MMP9: variants seen among roughly 807,000 people sequenced by gnomAD.
MMP9 encodes the protein matrix metallopeptidase 9, also known as matrix metalloproteinase-9.
In MMP9, 73 loss-of-function variants were observed where a neutral mutation model predicts 76.4. That is an observed-to-expected ratio of 0.96 (90% CI 0.79 to 1.16). The LOEUF is 1.16. Among genes scored for constraint, MMP9 ranks in the 50% most tolerant of loss-of-function variants. The probability of loss-of-function intolerance (pLI) is 0.00; values close to 1 mark genes in which losing one functional copy is unlikely to be tolerated. For missense variants in MMP9, 943 were observed against 973.0 expected (o/e 0.97, Z 0.41); for synonymous variants, 412 against 408.4 (o/e 1.01, Z -0.11).
At position 46,011,685 on chromosome 20, in the gene MMP9, G is replaced by A. The variant is rs2084280282; in HGVS notation, c.935G>A (p.Arg312His). Residue 312 changes from arginine to histidine, a missense_variant, in exon 6 of 13, where the codon CGC (arginine) becomes CAC (histidine). Transcript: ENST00000372330. The part of the protein sequence containing the change: ...CTTDGRSDGY[R>H]WCATTANYDR... ...ACGGACGGTCGCTCCGACGGCTACC[G>A]CTGGTGCGCCACCACCGCCAACTAC... 2 of 1,613,778 alleles carry A rather than the reference G, an allele frequency of 1.2e-6. No individual in the cohort carries two copies. The highest frequency in any genetic ancestry group is 1.1e-5 in the South Asian group (1 of 91,062).
In MMP9 at chr20:46,016,514, T is replaced by C. The variant is rs9509; in HGVS notation, c.*146T>C. 0.07 allele frequency: 49,924 copies of C among 709,702 alleles called. 4,210 individuals are homozygous for C. Among genetic ancestry groups the C allele is most frequent in the African/African-American group, 0.26 (14,663 of 56,900 alleles). 44.0% of individuals were successfully genotyped at this position (709,702 alleles called of 1,614,324 possible). ...GGGCTGGGCCCTCTCTTCTCACCTT[T>C]GTTTTTTGTTGGAGTGTTTCTAATA... On this transcript the variant is annotated 3_prime_UTR_variant, in exon 13 of 13. Transcript: ENST00000372330.
intron 1 of MMP9, 45 bp downstream of exon 1, chr20:46,009,109 G>C (rs756852383): frequency 6.3e-7 from 1 of 1,597,702 alleles, no homozygotes; most frequent in Non-Finnish European, 8.6e-7. Flanking sequence ...TGTCCGTGAG[G>C]GTGTTGAGTG....
At position 46,010,118 on chromosome 20, in the gene MMP9, G is replaced by T; in HGVS notation, c.371+20G>T. 1 of 1,516,328 alleles carries T rather than the reference G, an allele frequency of 6.6e-7. No homozygotes were observed. Among genetic ancestry groups the T allele is most frequent in the Non-Finnish European group, 8.9e-7 (1 of 1,118,750 alleles). The allele number at this position is 1,516,328 out of a possible 1,614,324, so 93.9% of individuals were successfully genotyped here. ...CTATTGGTGAGCCGGGGCCGTGGGGGCAGCGGGGTGGGGCGGGGAGGCCAG... is the reference window on the plus strand; with the variant it reads ...CTATTGGTGAGCCGGGGCCGTGGGGTCAGCGGGGTGGGGCGGGGAGGCCAG... On this transcript the variant is annotated intron_variant, in intron 2 of 12. Coordinates refer to ENST00000372330, the MANE Select transcript of MMP9 (RefSeq NM_004994.3).
Position 46,010,333 on chromosome 20 carries a change from A to AAAAAAAAACAAAAAAAAAAC in MMP9, c.372-140_372-139insAAAAAAAAACAAAAAAAACA, listed in dbSNP as rs2084270365. 6.0e-6 allele frequency: 5 copies of AAAAAAAAACAAAAAAAAAAC among 827,448 alleles called. No homozygotes were observed. The African/African-American group carries it at 1.1e-4, about 18-fold the overall frequency. The allele number at this position is 827,448 out of a possible 1,614,324, so 51.3% of individuals were successfully genotyped here. On this transcript the variant is annotated intron_variant, in intron 2 of 12. Transcript: ENST00000372330. ...GGGTCTAAGTAGACAAAAAAAAAAA[A>AAAAAAAAACAAAAAAAAAAC]AAAAAAAACAGTCTGGAAGCAATTT...
In MMP9 at chr20:46,011,762, T is replaced by A; in HGVS notation, c.997+15T>A. On this transcript the variant is annotated intron_variant, in intron 6 of 12. Coordinates refer to ENST00000372330, the MANE Select transcript of MMP9 (RefSeq NM_004994.3). The stretch of plus-strand genomic sequence containing the variant: ...CCCGACCCGAGGTACCTCCACCCTG[T>A]CTACCAGGTTCAGCCCCGCCCTCTC... The A allele has an allele frequency of 6.2e-7, 1 of 1,604,728 alleles. No homozygotes were observed. Among genetic ancestry groups the A allele is most frequent in the Non-Finnish European group, 8.5e-7 (1 of 1,178,104 alleles).
rs1048809692 is a variant in MMP9 at position 46,009,918 on chromosome 20, C to A, written c.191C>A (p.Ser64Ter). Residue 64 changes from serine to a stop codon, truncating the protein, a stop_gained, in exon 2 of 13, where the codon TCG becomes TAG. Coordinates refer to ENST00000372330, the MANE Select transcript of MMP9 (RefSeq NM_004994.3). LOFTEE classifies it high-confidence loss of function. ...YTRVAEMRGESKSLGPALLLL... is the reference protein window; with the variant it reads ...YTRVAEMRGE ...CGGGTGGCAGAGATGCGTGGAGAGT[C>A]GAAATCTCTGGGGCCTGCGCTGCTG... The A allele has an allele frequency of 1.3e-6, 2 of 1,552,308 alleles. No individual in the cohort carries two copies. The highest frequency in any genetic ancestry group is 1.7e-6 in the Non-Finnish European group (2 of 1,147,312).
intron 5 of MMP9, 57 bp from the exon 6 acceptor site, chr20:46,011,517 G>C: frequency 6.2e-7 from 1 of 1,603,698 alleles, no homozygotes; most frequent in Non-Finnish European, 8.5e-7. Flanking sequence ...ACACACTTGG[G>C]GGTTATAATG....
intron 3 of MMP9, 77 bp from the exon 4 acceptor site, chr20:46,010,845 G>C (rs2084273916): frequency 6.2e-7 from 1 of 1,612,134 alleles, no homozygotes. Flanking sequence ...ACTTATTTCG[G>C]AGCCCTTGCC....
Position 46,014,117 on chromosome 20 carries a change from C to T in MMP9, c.1751-7C>T. The T allele has an allele frequency of 6.5e-7, 1 of 1,534,910 alleles. No individual in the cohort carries two copies. The highest frequency in any genetic ancestry group is 8.7e-7 in the Non-Finnish European group (1 of 1,146,630). On this transcript the variant is annotated splice_region_variant and splice_polypyrimidine_tract_variant and intron_variant, in intron 10 of 12. Coordinates refer to ENST00000372330, the MANE Select transcript of MMP9 (RefSeq NM_004994.3). ...CCCCAAACCGACGTGACCCTCCTCC[C>T]CTGCAGGGCGCCAGGTGTGGGTGTA...
intron 8 of MMP9, among the ~76,000 whole-genome samples, chr20:46,012,969 T>C (rs1474305448): frequency 6.6e-6 from 1 of 152,144 alleles, no homozygotes; most frequent in Non-Finnish European, 1.5e-5. Context: ...CACATGTCTG[T>C]AGTCCTAGCT....
At position 46,013,024 on chromosome 20, in the gene MMP9, G is replaced by A. The variant is rs745581668; in HGVS notation, c.1331-231G>A. ...GAGGATCTCTTGAGCCCAGGAGTTC[G>A]AGGCTGTAGTGAGCTATGATTGCAC... On this transcript the variant is annotated intron_variant, in intron 8 of 12. Transcript: ENST00000372330. The surrounding 1 kb of genome is among the most constrained non-coding windows in gnomAD (Gnocchi z 4.5). Among the ~76,000 whole-genome samples, 1 of 152,166 alleles carries A rather than the reference G, an allele frequency of 6.6e-6. No homozygotes were observed. The highest frequency in any genetic ancestry group is 1.5e-5 in the Non-Finnish European group (1 of 68,024).
At chr20:46,014,856 G>A (rs2084309207) in intron 12 of MMP9, 1 of 232,614 alleles carries the variant, frequency 4.3e-6, no homozygotes, top group South Asian at 6.2e-5. Flanking sequence ...TCTACTCTTC[G>A]AGCCTCAGTT....
rs2145456105 is a variant in MMP9, at chr20:46,013,985, C to T, written c.1751-139C>T. ...CTCTCCACGCCCTCGCGTCGCTCTA[C>T]CCAGCGCCTCTGCCCCTGGGTTGCA... On this transcript the variant is annotated intron_variant, in intron 10 of 12. Coordinates refer to ENST00000372330, the MANE Select transcript of MMP9 (RefSeq NM_004994.3). The surrounding 1 kb of genome is among the most constrained non-coding windows in gnomAD (Gnocchi z 4.5). The T allele has an allele frequency of 1.4e-6, 2 of 1,434,068 alleles. No individual in the cohort carries two copies. Among genetic ancestry groups the T allele is most frequent in the Non-Finnish European group, 1.9e-6 (2 of 1,065,058 alleles). 88.8% of individuals were successfully genotyped at this position (1,434,068 alleles called of 1,614,324 possible).
chr20:46,012,463 G>A lies in MMP9; in HGVS notation c.1211G>A (p.Gly404Asp). 3 of 1,614,188 alleles carry A rather than the reference G, an allele frequency of 1.9e-6. No individual in the cohort carries two copies. Among genetic ancestry groups the A allele is most frequent in the East Asian group, 2.2e-5 (1 of 44,876 alleles). The change falls in exon 8 of 13, where the codon GGC becomes GAC. Residue 404 changes from glycine to aspartate, a missense_variant. Physicochemically the swap from Gly to Asp is moderately conservative, Grantham distance 94. Coordinates refer to ENST00000372330, the MANE Select transcript of MMP9 (RefSeq NM_004994.3). ...TTCCTCGTGGCGGCGCATGAGTTCG[G>A]CCACGCGCTGGGCTTAGATCATTCC... is the stretch of plus-strand genomic sequence containing the variant. ...SLFLVAAHEF[G>D]HALGLDHSSV...
At position 46,016,442 on chromosome 20, in the gene MMP9, G is replaced by T; in HGVS notation, c.*74G>T. The T allele has an allele frequency of 8.4e-7, 1 of 1,185,522 alleles. No homozygotes were observed. The allele number at this position is 1,185,522 out of a possible 1,614,324, so 73.4% of individuals were successfully genotyped here. ...ACCCTGGGGAAGGAGCCAGTTTGCCGGATACAAACTGGTATTCTGTTCTGG... is the reference window on the plus strand; with the variant it reads ...ACCCTGGGGAAGGAGCCAGTTTGCCTGATACAAACTGGTATTCTGTTCTGG... On this transcript the variant is annotated 3_prime_UTR_variant, in exon 13 of 13. Coordinates refer to ENST00000372330, the MANE Select transcript of MMP9 (RefSeq NM_004994.3).
In MMP9 at chr20:46,012,164, C is replaced by T. The variant is rs754744380; in HGVS notation, c.1025C>T (p.Ser342Leu). The change falls in exon 7 of 13, where the codon TCG (serine) becomes TTG (leucine). Residue 342 changes from serine (S) to leucine (L), a missense_variant. By Grantham distance (145) the Ser-to-Leu change is moderately radical (BLOSUM62 -2). Coordinates refer to ENST00000372330, the MANE Select transcript of MMP9 (RefSeq NM_004994.3). ...RADSTVMGGNSAGELCVFPFT... is the reference protein window; with the variant it reads ...RADSTVMGGNLAGELCVFPFT... ...GACTCGACGGTGATGGGGGGCAACT[C>T]GGCGGGGGAGCTGTGCGTCTTCCCC... is the stretch of plus-strand genomic sequence containing the variant. 1.2e-6 allele frequency: 2 copies of T among 1,614,088 alleles called. No homozygotes were observed. Among genetic ancestry groups the T allele is most frequent in the Non-Finnish European group, 1.7e-6 (2 of 1,180,028 alleles).
At position 46,011,275 on chromosome 20, in the gene MMP9, A is replaced by G. The variant is rs144229833; in HGVS notation, c.782A>G (p.Asn261Ser). The G allele has an allele frequency of 1.5e-4, 239 of 1,610,116 alleles. No individual in the cohort carries two copies. The highest frequency in any genetic ancestry group is 2.0e-5 in the Non-Finnish European group (23 of 1,179,098). ...TTGCCCTGGTGCAGTACCACGGCCA[A>G]CTACGACACCGACGACCGGTTTGGC... ...DGLPWCSTTA[N>S]YDTDDRFGFC... Residue 261 changes from asparagine to serine, a missense_variant, in exon 5 of 13, where the codon AAC becomes AGC. Transcript: ENST00000372330.
chr20:46,012,900 C>T (rs1052035972), intron 8 of MMP9, among the ~76,000 whole-genome samples: 4 of 152,174 alleles, frequency 2.6e-5, no homozygotes, highest in African/African-American at 9.7e-5. Flanking sequence ...TCCAGACCAG[C>T]CTCGGCAACA....
At chr20:46,011,435 G>C (rs1402572965) in intron 5 of MMP9, 119 bp downstream of exon 5, 2 of 1,569,172 alleles carry the variant, frequency 1.3e-6, no homozygotes, top group Non-Finnish European at 1.7e-6. Flanking sequence ...CGCACTCTGG[G>C]CCCAATTTTC....
Sources: allele counts gnomAD v4.1 joint callset (sites outside exome capture counted in the v4.1 genomes callset), GRCh38; gene constraint gnomAD v4.1.1; non-coding constraint Gnocchi (gnomAD v3.1); transcripts MANE v1.5; gene names NCBI Gene and HGNC (gene_info 2026-07-23, HGNC 2026-07-21).